The following SYNJ2BP variants were observed in gnomAD, a reference collection of about 807,000 sequenced individuals.
The protein encoded by SYNJ2BP is synaptojanin 2 binding protein.
Under a neutral mutation model 16.9 loss-of-function variants are expected in SYNJ2BP, and 10 were observed. The observed-to-expected ratio is 0.59, with a 90% CI of 0.36 to 1.00. The LOEUF (loss-of-function observed/expected upper bound fraction) is 1.00. Ranked by LOEUF, SYNJ2BP falls within the 50% of genes least tolerant of loss-of-function variation. The pLI is 0.01. For synonymous variants in SYNJ2BP, 54 were observed against 68.4 expected (o/e 0.79, Z 1.04); for missense variants, 162 against 186.7 (o/e 0.87, Z 0.77).
intron 1 of SYNJ2BP, among the ~76,000 whole-genome samples, chr14:70,402,497 C>T (rs575585617): frequency 6.6e-6 from 1 of 152,076 alleles, no homozygotes; most frequent in South Asian, 2.1e-4. Flanking sequence ...GATCCAGATG[C>T]ACTGCCCTGC....
At chr14:70,396,444 C>A (rs951290707) in intron 1 of SYNJ2BP, among the ~76,000 whole-genome samples, 1 of 152,026 alleles carries the variant, frequency 6.6e-6, no homozygotes, top group African/African-American at 2.4e-5. Context: ...TGGGTATATA[C>A]CTAGGAGTGG....
At chr14:70,386,533 T>G (rs1887863333) in intron 2 of SYNJ2BP, among the ~76,000 whole-genome samples, 1 of 152,216 alleles carries the variant, frequency 6.6e-6, no homozygotes, top group Non-Finnish European at 1.5e-5. Flanking sequence ...TCTTTCTTTT[T>G]GGGGGACTAA....
intron 2 of SYNJ2BP, among the ~76,000 whole-genome samples, chr14:70,387,985 A>G (rs182202448): frequency 6.6e-6 from 1 of 152,142 alleles, no homozygotes; most frequent in Non-Finnish European, 1.5e-5. Flanking sequence ...TGCATTCCAA[A>G]TTTTCATGTT....
chr14:70,411,923 G>A lies in SYNJ2BP; in HGVS notation c.64+4977C>T, dbSNP rs149242808. Among the ~76,000 whole-genome samples the A allele has an allele frequency of 1.1e-3, 168 of 152,326 alleles. 1 individual carries two copies. Among genetic ancestry groups the A allele is most frequent in the Non-Finnish European group, 1.6e-3 (108 of 68,032 alleles). Reference sequence around the variant, plus strand: ...ATTGGATTGTAAACTCCATGAAGGCGAGACTTTGTGTAAGCAAGAGAAAAT... The same window carrying A: ...ATTGGATTGTAAACTCCATGAAGGCAAGACTTTGTGTAAGCAAGAGAAAAT... On this transcript the variant is annotated intron_variant, in intron 1 of 3. Coordinates refer to ENST00000256366, the MANE Select transcript of SYNJ2BP (RefSeq NM_018373.3).
chr14:70,405,650 G>A (rs1360036317), intron 1 of SYNJ2BP, among the ~76,000 whole-genome samples: 1 of 152,120 alleles, frequency 6.6e-6, no homozygotes, highest in African/African-American at 2.4e-5. Context: ...AAAGGGTTAT[G>A]GGAATCTTGT....
chr14:70,389,392 T>TTC (rs1039659353), intron 1 of SYNJ2BP, among the ~76,000 whole-genome samples: 1 of 150,626 alleles, frequency 6.6e-6, no homozygotes, highest in East Asian at 1.9e-4. Flanking sequence ...TTTTTTTTTT[T>TTC]CCATTTTGGT....
intron 1 of SYNJ2BP, among the ~76,000 whole-genome samples, chr14:70,413,831 T>C (rs1314710251): frequency 6.6e-6 from 1 of 152,220 alleles, no homozygotes; most frequent in Non-Finnish European, 1.5e-5. Flanking sequence ...TCCACAATTC[T>C]TGTCCCTGAC....
intron 3 of SYNJ2BP, 34 bp from the exon 4 acceptor site, chr14:70,373,165 C>T: frequency 6.2e-7 from 1 of 1,610,754 alleles, no homozygotes; most frequent in Non-Finnish European, 8.5e-7. Context: ...ACTCTAGTGA[C>T]TAATGTGTGT....
chr14:70,407,255 T>C (rs1176369753), intron 1 of SYNJ2BP, among the ~76,000 whole-genome samples: 2 of 151,986 alleles, frequency 1.3e-5, no homozygotes, highest in Non-Finnish European at 2.9e-5. Context: ...GGTGAAACCA[T>C]GTCTCTACTA....
intron 1 of SYNJ2BP, among the ~76,000 whole-genome samples, chr14:70,413,594 G>A (rs1320061167): frequency 6.6e-6 from 1 of 152,176 alleles, no homozygotes; most frequent in Non-Finnish European, 1.5e-5. Flanking sequence ...AGACAAGATC[G>A]TGCCACTGCA....
intron 2 of SYNJ2BP, among the ~76,000 whole-genome samples, chr14:70,387,131 T>C (rs1339696040): frequency 6.6e-6 from 1 of 152,174 alleles, no homozygotes; most frequent in Non-Finnish European, 1.5e-5. Flanking sequence ...CTCCCAAGAA[T>C]ATTCTAGATA....
At chr14:70,394,583 T>C (rs1888050894) in intron 1 of SYNJ2BP, among the ~76,000 whole-genome samples, 1 of 151,598 alleles carries the variant, frequency 6.6e-6, no homozygotes, top group Non-Finnish European at 1.5e-5. Flanking sequence ...GCAGTCTAAA[T>C]GCAAAATAGT....
chr14:70,402,326 A>T (rs912714125), intron 1 of SYNJ2BP, among the ~76,000 whole-genome samples: 2 of 152,136 alleles, frequency 1.3e-5, no homozygotes, highest in African/African-American at 4.8e-5. Flanking sequence ...ATAGGCAGCT[A>T]CTCATTTTAT....
Position 70,369,537 on chromosome 14 carries a change from A to G in SYNJ2BP, c.*3454T>C, listed in dbSNP as rs1487036408. The G allele has an allele frequency of 6.6e-6, 1 of 152,088 alleles. No homozygotes were observed. Among genetic ancestry groups the G allele is most frequent in the African/African-American group, 2.4e-5 (1 of 41,402 alleles). 9.4% of individuals were successfully genotyped at this position (152,088 alleles called of 1,614,324 possible). ...TTTAAATCCTGATTCTATTATTACC[A>G]CCTACATAATCCTAGTCAAGTAATT... On this transcript the variant is annotated 3_prime_UTR_variant, in exon 4 of 4. Transcript: ENST00000256366.
intron 1 of SYNJ2BP, among the ~76,000 whole-genome samples, chr14:70,405,429 G>A (rs924580179): frequency 6.6e-6 from 1 of 151,932 alleles, no homozygotes; most frequent in African/African-American, 2.4e-5. Context: ...AATTACTTTT[G>A]CACCAACCTA....
intron 3 of SYNJ2BP, 62 bp from the exon 4 acceptor site, chr14:70,373,193 A>G: frequency 6.3e-7 from 1 of 1,593,468 alleles, no homozygotes; most frequent in Non-Finnish European, 8.5e-7. Context: ...TGAAACGCCC[A>G]GGTTGATACA....
chr14:70,378,065 G>C (rs1769234893), intron 2 of SYNJ2BP, among the ~76,000 whole-genome samples: 1 of 151,660 alleles, frequency 6.6e-6, no homozygotes, highest in East Asian at 1.9e-4. Context: ...CCTCCCTTTT[G>C]TAATTTTCTC....
rs975546018 is a variant in SYNJ2BP, at chr14:70,384,516, T to C, written c.201+3954A>G. Among the ~76,000 whole-genome samples the C allele has an allele frequency of 2.4e-4, 37 of 152,268 alleles. 1 individual carries two copies. Among genetic ancestry groups the C allele is most frequent in the Admixed American group, 1.6e-3 (25 of 15,296 alleles). ...CGGGTAAGTGATGGAACAGGCTGTT[T>C]CATAGTATTTCTTAACGAATGGGAT... is the stretch of plus-strand genomic sequence containing the variant. On this transcript the variant is annotated intron_variant, in intron 2 of 3. Transcript: ENST00000256366.
intron 1 of SYNJ2BP, among the ~76,000 whole-genome samples, chr14:70,400,121 G>A (rs1218571608): frequency 6.6e-6 from 1 of 152,206 alleles, no homozygotes; most frequent in Non-Finnish European, 1.5e-5. Context: ...GTCAACTCCT[G>A]TTCACAATCT....
Sources: gnomAD v4.1 joint callset for allele counts (sites outside exome capture counted in the v4.1 genomes callset) on GRCh38, gnomAD v4.1.1 for gene constraint, MANE v1.5 for transcripts, NCBI Gene and HGNC (gene_info 2026-07-23, HGNC 2026-07-21) for gene names.